CREB3L2: variants seen among roughly 807,000 people sequenced by gnomAD.
The protein encoded by CREB3L2 is cAMP responsive element binding protein 3 like 2.
Under a neutral mutation model 57.2 loss-of-function variants are expected in CREB3L2, and 23 were observed. The ratio of observed to expected loss-of-function variants is 0.40; its 90% confidence interval spans 0.29 to 0.57. The LOEUF (loss-of-function observed/expected upper bound fraction) is 0.57, where lower values mean the gene tolerates loss of function less well. Among genes scored for constraint, CREB3L2 ranks in the 20% least tolerant of loss-of-function variants. CREB3L2 has a pLI of 0.42. For synonymous variants in CREB3L2, 268 were observed against 265.1 expected (o/e 1.01, Z -0.11); for missense variants, 628 against 634.7 (o/e 0.99, Z 0.11).
intron 1 of CREB3L2, among the ~76,000 whole-genome samples, chr7:137,960,805 A>ATTTCT (rs1801305445): frequency 1.2e-5 from 1 of 81,964 alleles, no homozygotes; most frequent in Non-Finnish European, 2.4e-5. Context: ...AAACTAAATT[A>ATTTCT]TTTCTTTTTT....
chr7:137,984,614 T>C (rs1801764048), intron 1 of CREB3L2, among the ~76,000 whole-genome samples: 1 of 152,230 alleles, frequency 6.6e-6, no homozygotes, highest in Admixed American at 6.5e-5. Flanking sequence ...TACCAAATGC[T>C]CAAGCCAAGT....
chr7:137,911,798 A>G (rs1002960965), intron 4 of CREB3L2, among the ~76,000 whole-genome samples: 10 of 152,230 alleles, frequency 6.6e-5, no homozygotes, highest in African/African-American at 2.4e-4. Context: ...TGATGGCACT[A>G]CTACACTCCA....
intron 1 of CREB3L2, among the ~76,000 whole-genome samples, chr7:137,950,455 T>C (rs1801073785): frequency 6.6e-6 from 1 of 152,246 alleles, no homozygotes. Flanking sequence ...CTCTCATAAA[T>C]GTAAGGTGAT....
At chr7:137,975,949 C>CT (rs1801600450) in intron 1 of CREB3L2, among the ~76,000 whole-genome samples, 1 of 152,230 alleles carries the variant, frequency 6.6e-6, no homozygotes, top group Admixed American at 6.5e-5. Context: ...GGGAAAGACA[C>CT]TGAGTGGGAG....
In CREB3L2 at chr7:138,001,805, C is replaced by G. The variant is rs1404234984; in HGVS notation, c.-100G>C. 17 of 770,606 alleles carry G rather than the reference C, an allele frequency of 2.2e-5. No individual in the cohort carries two copies. Among genetic ancestry groups the G allele is most frequent in the Non-Finnish European group, 3.3e-5 (17 of 511,144 alleles). 47.7% of individuals were successfully genotyped at this position (770,606 alleles called of 1,614,324 possible). ...GTTCCTCTCTCTCCGCGTGTGCTTG[C>G]GTGTGTGCGCGCGCGTGTCTGTAGT... On this transcript the variant is annotated 5_prime_UTR_variant, in exon 1 of 12. Coordinates refer to ENST00000330387, the MANE Select transcript of CREB3L2 (RefSeq NM_194071.4). This position sits in a 1 kb window ranked among gnomAD's most constrained non-coding sequence, Gnocchi z 4.2.
chr7:138,001,264 T>C lies in CREB3L2; in HGVS notation c.102+340A>G, dbSNP rs1055712554. ...CCTCAAAAAAAAATCAATAGCAAAC[T>C]AGGCGGAGGCATGTTATTCTCAAAA... is the stretch of plus-strand genomic sequence containing the variant. On this transcript the variant is annotated intron_variant, in intron 1 of 11. Coordinates refer to ENST00000330387, the MANE Select transcript of CREB3L2 (RefSeq NM_194071.4). The surrounding 1 kb of genome is among the most constrained non-coding windows in gnomAD (Gnocchi z 4.2). 3.3e-5 allele frequency among the ~76,000 whole-genome samples: 5 copies of C among 151,946 alleles called. No individual in the cohort carries two copies. Among genetic ancestry groups the C allele is most frequent in the African/African-American group, 7.3e-5 (3 of 41,354 alleles).
intron 6 of CREB3L2, among the ~76,000 whole-genome samples, 179 bp downstream of exon 6, chr7:137,905,523 G>A (rs1040669642): frequency 4.6e-5 from 7 of 151,974 alleles, no homozygotes; most frequent in African/African-American, 1.7e-4. Context: ...GGGATGGGCT[G>A]GAGGAAGAGA....
intron 1 of CREB3L2, among the ~76,000 whole-genome samples, chr7:137,935,121 G>A (rs1800752913): frequency 6.6e-6 from 1 of 152,180 alleles, no homozygotes; most frequent in African/African-American, 2.4e-5. Context: ...AGGAAGATAT[G>A]TCCATACTCC....
chr7:137,908,408 G>A lies in CREB3L2; in HGVS notation c.612C>T (p.Pro204=). Residue 204 remains proline (P), a synonymous_variant, in exon 5 of 12, where the codon CCC becomes CCT. Transcript: ENST00000330387. ...EAPVDHLHLP[P]TPPSSHGSDS... is the part of the protein sequence containing the mutation. The stretch of plus-strand genomic sequence containing the variant: ...CACTGCCGTGACTGCTCGGAGGGGT[G>A]GGCGGCAAATGCAGGTGGTCCACTG... 1 of 1,266,518 alleles carries A rather than the reference G, an allele frequency of 7.9e-7. No homozygotes were observed. The highest frequency in any genetic ancestry group is 1.0e-6 in the Non-Finnish European group (1 of 998,000). The allele number at this position is 1,266,518 out of a possible 1,614,324, so 78.5% of individuals were successfully genotyped here. A position where few individuals can be genotyped will look rare whatever the true frequency, so the allele number is the denominator to read the frequency against.
intron 1 of CREB3L2, among the ~76,000 whole-genome samples, chr7:137,972,736 T>TATAG (rs1387867213): frequency 2.2e-4 from 5 of 22,360 alleles, no homozygotes; most frequent in African/African-American, 6.1e-4. Flanking sequence ...TATATATATA[T>TATAG]AGAGAGAGAG....
At chr7:137,905,616 G>T in intron 6 of CREB3L2, 86 bp downstream of exon 6, 1 of 1,427,496 alleles carries the variant, frequency 7.0e-7, no homozygotes, top group Non-Finnish European at 9.8e-7. Flanking sequence ...ATGGGGTAGT[G>T]CTGGCCGTTG....
Position 137,879,158 on chromosome 7 carries a change from C to T in CREB3L2, c.*1318G>A, listed in dbSNP as rs1214933509. The T allele has an allele frequency of 3.9e-6, 2 of 509,888 alleles. No individual in the cohort carries two copies. Among genetic ancestry groups the T allele is most frequent in the East Asian group, 7.9e-5 (2 of 25,232 alleles). 31.6% of individuals were successfully genotyped at this position (509,888 alleles called of 1,614,324 possible). On this transcript the variant is annotated 3_prime_UTR_variant, in exon 12 of 12. Coordinates refer to ENST00000330387, the MANE Select transcript of CREB3L2 (RefSeq NM_194071.4). ...AGATTTTTTTAAACTACAAAAGTTA[C>T]TTTTAACCATAAAAAAAAAACAAAA...
In CREB3L2 at chr7:137,972,684, C is replaced by T. The variant is rs796729487; in HGVS notation, c.102+28920G>A. 6.2e-4 allele frequency among the ~76,000 whole-genome samples: 6 copies of T among 9,664 alleles called. No individual in the cohort carries two copies. The South Asian group carries it at 0.047, about 75-fold the overall frequency. 6.3% of individuals were successfully genotyped at this position (9,664 alleles called of 152,430 possible). On this transcript the variant is annotated intron_variant, in intron 1 of 11. Coordinates refer to ENST00000330387, the MANE Select transcript of CREB3L2 (RefSeq NM_194071.4). ...CAACACAGTGAGATCCCCGTCTCTACAAAAAAAAAAAAAAAAAAAAAAAAA... is the reference window on the plus strand; with the variant it reads ...CAACACAGTGAGATCCCCGTCTCTATAAAAAAAAAAAAAAAAAAAAAAAAA...
At chr7:137,913,661 T>C (rs12112479) in intron 3 of CREB3L2, among the ~76,000 whole-genome samples, 5,871 of 152,168 alleles carry the variant, frequency 0.039, 199 homozygotes, top group African/African-American at 0.096. Flanking sequence ...AATATTCTGG[T>C]ACTTTTTTTT....
At chr7:137,888,635 C>T (rs187599794) in intron 8 of CREB3L2, among the ~76,000 whole-genome samples, 53 of 152,214 alleles carry the variant, frequency 3.5e-4, no homozygotes, top group African/African-American at 1.2e-3. Context: ...CCAGGTAAGC[C>T]CACAGAAAAG....
At chr7:137,923,531 C>T (rs749215847) in intron 2 of CREB3L2, among the ~76,000 whole-genome samples, 61 of 152,132 alleles carry the variant, frequency 4.0e-4, no homozygotes, top group Admixed American at 9.2e-4. Context: ...GGCTACTCTA[C>T]GATGATTCAG....
chr7:137,891,104 T>C (rs556635225), intron 8 of CREB3L2, among the ~76,000 whole-genome samples: 5 of 152,342 alleles, frequency 3.3e-5, no homozygotes, highest in South Asian at 2.1e-4. Context: ...ATTTGTTAAA[T>C]TGGAGTGTCC....
At position 137,989,435 on chromosome 7, in the gene CREB3L2, T is replaced by A. The variant is rs1387428875; in HGVS notation, c.102+12169A>T. 8.2e-3 allele frequency among the ~76,000 whole-genome samples: 1,224 copies of A among 148,844 alleles called. 18 individuals carry two copies. Among genetic ancestry groups the A allele is most frequent in the African/African-American group, 0.029 (1,167 of 40,138 alleles). ...GAATTTTCCTGGCTTTTCTCCAGTT[T>A]TTTTTTTTTTTTTTTTGATGATTCT... is the stretch of plus-strand genomic sequence containing the variant. On this transcript the variant is annotated intron_variant, in intron 1 of 11. Coordinates refer to ENST00000330387, the MANE Select transcript of CREB3L2 (RefSeq NM_194071.4).
Position 137,876,675 on chromosome 7 carries a change from T to C in CREB3L2, c.*3801A>G, listed in dbSNP as rs1331920145. 1 of 232,410 alleles carries C rather than the reference T, an allele frequency of 4.3e-6. No individual in the cohort carries two copies. Among genetic ancestry groups the C allele is most frequent in the Non-Finnish European group, 8.5e-6 (1 of 117,724 alleles). 14.4% of individuals were successfully genotyped at this position (232,410 alleles called of 1,614,324 possible). ...ATAGTCTCACCTGAAGGTGGCCAAATAAAATGACTCTCAAGAGGGCACTAC... is the reference window on the plus strand; with the variant it reads ...ATAGTCTCACCTGAAGGTGGCCAAACAAAATGACTCTCAAGAGGGCACTAC... On this transcript the variant is annotated 3_prime_UTR_variant, in exon 12 of 12. Transcript: ENST00000330387.
Sources: allele counts gnomAD v4.1 joint callset (sites outside exome capture counted in the v4.1 genomes callset), GRCh38; gene constraint gnomAD v4.1.1; non-coding constraint Gnocchi (gnomAD v3.1); transcripts MANE v1.5; gene names NCBI Gene and HGNC (gene_info 2026-07-23, HGNC 2026-07-21).